The following MAGI2 variants were observed in gnomAD, a reference collection of about 807,000 sequenced individuals.
The protein encoded by MAGI2 is membrane-associated guanylate kinase, WW and PDZ domain-containing protein 2.
A neutral mutation model predicts 133.3 loss-of-function variants in MAGI2; 35 were observed. The observed-to-expected ratio is 0.26, with a 90% CI of 0.20 to 0.35. MAGI2 has a LOEUF of 0.35. Ranked by LOEUF, MAGI2 falls within the 10% of genes least tolerant of loss-of-function variation. The pLI, the probability that MAGI2 is intolerant of heterozygous loss-of-function variation, is 1.00. For missense variants in MAGI2, 1,636 were observed against 1,863.4 expected (o/e 0.88, Z 2.25); for synonymous variants, 729 against 710.6 (o/e 1.03, Z -0.41).
intron 3 of MAGI2, among the ~76,000 whole-genome samples, chr7:78,530,939 T>G (rs1407417973): frequency 1.3e-5 from 2 of 152,100 alleles, no homozygotes; most frequent in African/African-American, 4.8e-5. Context: ...AAATAACTAG[T>G]CAACCACTGG....
At chr7:79,236,955 G>A (rs1373731895) in intron 1 of MAGI2, among the ~76,000 whole-genome samples, 1 of 152,154 alleles carries the variant, frequency 6.6e-6, no homozygotes, top group Non-Finnish European at 1.5e-5. Flanking sequence ...TGAGGTGGGA[G>A]GATTGCTTGA....
chr7:78,928,709 C>A (rs112515036), intron 2 of MAGI2, among the ~76,000 whole-genome samples: 2,203 of 152,144 alleles, frequency 0.014, 50 homozygotes, highest in African/African-American at 0.051. Flanking sequence ...CATATGATAT[C>A]TTCCCATTGA....
At chr7:78,096,539 T>G (rs958393342) in intron 20 of MAGI2, among the ~76,000 whole-genome samples, 1 of 152,246 alleles carries the variant, frequency 6.6e-6, no homozygotes, top group Non-Finnish European at 1.5e-5. Context: ...TCTTCTTTAT[T>G]GAGAGTTAAC....
chr7:79,013,605 G>A (rs1398863993), intron 1 of MAGI2, among the ~76,000 whole-genome samples: 1 of 152,146 alleles, frequency 6.6e-6, no homozygotes, highest in Non-Finnish European at 1.5e-5. Flanking sequence ...ATTCTGCTAA[G>A]AGCCACAGAC....
intron 6 of MAGI2, among the ~76,000 whole-genome samples, chr7:78,439,212 C>T (rs1787356864): frequency 6.6e-6 from 1 of 152,176 alleles, no homozygotes; most frequent in Admixed American, 6.6e-5. Context: ...ATTTCGGAAG[C>T]TGAAGCTTGA....
chr7:78,185,530 G>A (rs772342086), intron 13 of MAGI2, 99 bp downstream of exon 13: 25 of 928,420 alleles, frequency 2.7e-5, no homozygotes, highest in East Asian at 1.9e-4. Flanking sequence ...GTAGCACAGC[G>A]ATTATATACT....
At chr7:78,594,748 G>C (rs900260587) in intron 3 of MAGI2, among the ~76,000 whole-genome samples, 1 of 152,086 alleles carries the variant, frequency 6.6e-6, no homozygotes, top group African/African-American at 2.4e-5. Flanking sequence ...GAGCCACTAC[G>C]TCCGGCCAGC....
At chr7:78,643,004 T>C (rs1810471248) in intron 2 of MAGI2, among the ~76,000 whole-genome samples, 1 of 152,188 alleles carries the variant, frequency 6.6e-6, no homozygotes, top group African/African-American at 2.4e-5. Context: ...GGCATTCAGA[T>C]AGAATCTCTG....
rs147856549 is a variant in MAGI2 at position 78,591,975 on chromosome 7, A to G, written c.538+35145T>C. On this transcript the variant is annotated intron_variant, in intron 3 of 21. Transcript: ENST00000354212. Reference sequence around the variant, plus strand: ...GGAAAAAATGTAAAGACATTTTATTAAAGAGTTGTGTGATAAGAACAAGGA... The same window carrying G: ...GGAAAAAATGTAAAGACATTTTATTGAAGAGTTGTGTGATAAGAACAAGGA... Among the ~76,000 whole-genome samples the G allele has an allele frequency of 9.4e-3, 1,435 of 152,322 alleles. 14 individuals carry two copies. Among genetic ancestry groups the G allele is most frequent in the African/African-American group, 0.033 (1,386 of 41,578 alleles).
intron 10 of MAGI2, among the ~76,000 whole-genome samples, chr7:78,212,242 A>G (rs984226408): frequency 1.3e-5 from 2 of 152,240 alleles, no homozygotes; most frequent in Non-Finnish European, 2.9e-5. Context: ...AGATATCCAC[A>G]TGCTTATCCT....
chr7:78,542,163 A>G (rs76768539), intron 3 of MAGI2, among the ~76,000 whole-genome samples: 2,521 of 152,320 alleles, frequency 0.017, 78 homozygotes, highest in South Asian at 0.13. Context: ...TTCATTTAAA[A>G]AATACTCTTT....
chr7:79,119,887 A>G (rs1358174803), intron 1 of MAGI2, among the ~76,000 whole-genome samples: 1 of 152,124 alleles, frequency 6.6e-6, no homozygotes, highest in Non-Finnish European at 1.5e-5. Flanking sequence ...TGCTAAACAT[A>G]GAAACTAAAA....
At chr7:78,602,875 T>C (rs1395602703) in intron 3 of MAGI2, among the ~76,000 whole-genome samples, 2 of 152,218 alleles carry the variant, frequency 1.3e-5, no homozygotes, top group East Asian at 3.8e-4. Context: ...TGCATAGACT[T>C]TGTTTATAAG....
In MAGI2 at chr7:79,327,657, G is replaced by A. The variant is rs552514109; in HGVS notation, c.301+125363C>T. On this transcript the variant is annotated intron_variant, in intron 1 of 21. Coordinates refer to ENST00000354212, the MANE Select transcript of MAGI2 (RefSeq NM_012301.4). ...TATGCTGCCTAAAGGAATACTATAT[G>A]GGTAATGTCTCTCTCTCTATTTCAC... Among the ~76,000 whole-genome samples the A allele has an allele frequency of 2.6e-5, 4 of 151,940 alleles. No individual in the cohort carries two copies. The East Asian group carries it at 5.8e-4, about 22-fold the overall frequency.
In MAGI2 at chr7:79,382,747, G is replaced by GT. The variant is rs1774947432; in HGVS notation, c.301+70272dup. Reference sequence around the variant, plus strand: ...ATATAAAAACTCTATATTGGAATAGGTTTTTTCATTTTAGGACAACAGTTA... The same window carrying GT: ...ATATAAAAACTCTATATTGGAATAGGTTTTTTTCATTTTAGGACAACAGTTA... On this transcript the variant is annotated intron_variant, in intron 1 of 21. Transcript: ENST00000354212. Among the ~76,000 whole-genome samples, 4 of 151,548 alleles carry GT rather than the reference G, an allele frequency of 2.6e-5. No individual in the cohort carries two copies. The East Asian group carries it at 5.8e-4, about 22-fold the overall frequency.
chr7:78,126,531 C>T (rs1477892251), intron 19 of MAGI2, among the ~76,000 whole-genome samples: 1 of 152,232 alleles, frequency 6.6e-6, no homozygotes, highest in Admixed American at 6.5e-5. Flanking sequence ...CTGGTCTAGA[C>T]TCTTTTCATA....
intron 2 of MAGI2, among the ~76,000 whole-genome samples, chr7:78,652,577 A>G (rs1811696443): frequency 6.6e-6 from 1 of 152,170 alleles, no homozygotes; most frequent in Non-Finnish European, 1.5e-5. Flanking sequence ...CATATGCAGA[A>G]AACTGAAACT....
At chr7:78,530,042 T>G (rs1005664232) in intron 3 of MAGI2, among the ~76,000 whole-genome samples, 1 of 152,172 alleles carries the variant, frequency 6.6e-6, no homozygotes, top group Non-Finnish European at 1.5e-5. Flanking sequence ...AATGGCCATA[T>G]GTTACTAGCA....
chr7:79,214,401 CTCTCTCTATATATATATA>C (rs1398637354), intron 1 of MAGI2, among the ~76,000 whole-genome samples: 9 of 56,086 alleles, frequency 1.6e-4, no homozygotes, highest in African/African-American at 3.3e-4. Context: ...CTCTCTCTCT[CTCTCTCTATATATATATA>C]TATATATATA....
Sources: gnomAD v4.1 joint callset for allele counts (sites outside exome capture counted in the v4.1 genomes callset) on GRCh38, gnomAD v4.1.1 for gene constraint, MANE v1.5 for transcripts, NCBI Gene and HGNC (gene_info 2026-07-23, HGNC 2026-07-21) for gene names.